SIPA1L1: variants seen among roughly 807,000 people sequenced by gnomAD.
SIPA1L1 encodes signal induced proliferation associated 1 like 1, also known as signal-induced proliferation-associated 1-like protein 1.
In SIPA1L1, 26 loss-of-function variants were observed where a neutral mutation model predicts 162.7. The observed-to-expected ratio is 0.16, with a 90% CI of 0.12 to 0.22. The LOEUF is 0.22. SIPA1L1 is among the 10% of genes least tolerant of loss of function. SIPA1L1 has a pLI of 1.00. For missense variants in SIPA1L1, 1,874 were observed against 2,241.0 expected (o/e 0.84, Z 3.31); for synonymous variants, 829 against 837.4 (o/e 0.99, Z 0.17).
At chr14:71,575,239 G>A (rs995230897) in intron 4 of SIPA1L1, among the ~76,000 whole-genome samples, 7 of 151,902 alleles carry the variant, frequency 4.6e-5, no homozygotes, top group Non-Finnish European at 7.4e-5. Flanking sequence ...AAGTTGCTGC[G>A]GAACTGACTG....
At chr14:71,629,087 G>A (rs946540254) in intron 7 of SIPA1L1, among the ~76,000 whole-genome samples, 4 of 151,986 alleles carry the variant, frequency 2.6e-5, no homozygotes, top group Admixed American at 6.6e-5. Flanking sequence ...ACAGGCACCC[G>A]CCACCACGCC....
At chr14:71,342,981 G>T (rs926820809) in intron 2 of SIPA1L1, among the ~76,000 whole-genome samples, 9 of 152,150 alleles carry the variant, frequency 5.9e-5, no homozygotes, top group East Asian at 3.9e-4. Context: ...CTTCTAAATG[G>T]CAGAGAGCTC....
intron 3 of SIPA1L1, among the ~76,000 whole-genome samples, chr14:71,520,250 G>C (rs1325863958): frequency 2.0e-5 from 3 of 152,164 alleles, no homozygotes; most frequent in African/African-American, 7.2e-5. Context: ...TACAGTGGTG[G>C]AAGCCTGGCA....
At chr14:71,356,911 G>C (rs2037330994) in intron 2 of SIPA1L1, among the ~76,000 whole-genome samples, 1 of 151,430 alleles carries the variant, frequency 6.6e-6, no homozygotes. Context: ...TTGTGAATTT[G>C]TTTTTCTGAT....
chr14:71,734,538 T>TTGC (rs1193167364), intron 21 of SIPA1L1, among the ~76,000 whole-genome samples: 1 of 152,228 alleles, frequency 6.6e-6, no homozygotes, highest in Non-Finnish European at 1.5e-5. Context: ...GTTGTTGTTG[T>TTGC]TGCTCTTAAT....
At chr14:71,693,934 T>C (rs2081432713) in intron 13 of SIPA1L1, among the ~76,000 whole-genome samples, 1 of 152,184 alleles carries the variant, frequency 6.6e-6, no homozygotes, top group African/African-American at 2.4e-5. Context: ...AGCTCACTGT[T>C]TGCACTTGGG....
chr14:71,548,885 C>CAAAAAAAA (rs774158181), intron 4 of SIPA1L1, among the ~76,000 whole-genome samples: 1 of 65,386 alleles, frequency 1.5e-5, no homozygotes. Context: ...AGACTGTCTC[C>CAAAAAAAA]AAAAAAAAAA....
At chr14:71,682,420 G>A (rs1367758005) in intron 12 of SIPA1L1, among the ~76,000 whole-genome samples, 3 of 152,176 alleles carry the variant, frequency 2.0e-5, no homozygotes, top group African/African-American at 4.8e-5. Flanking sequence ...GCAGAGTTAA[G>A]TAAGAGACCA....
rs563160212 is a variant in SIPA1L1 at position 71,349,854 on chromosome 14, C to T, written c.-465+28673C>T. Among the ~76,000 whole-genome samples, 12 of 152,256 alleles carry T rather than the reference C, an allele frequency of 7.9e-5. No homozygotes were observed. The South Asian group carries it at 8.3e-4, about 11-fold the overall frequency. ...ATGGCCCAAGAGTGGGGGAAGCAGACGCATTAGTAAGTAATCCCCAAATAT... is the reference window on the plus strand; with the variant it reads ...ATGGCCCAAGAGTGGGGGAAGCAGATGCATTAGTAAGTAATCCCCAAATAT... On this transcript the variant is annotated intron_variant, in intron 2 of 23. Transcript: ENST00000381232.
chr14:71,491,761 A>ACACACACACAC (rs2049277691), intron 2 of SIPA1L1, among the ~76,000 whole-genome samples: 4 of 97,878 alleles, frequency 4.1e-5, no homozygotes, highest in Non-Finnish European at 7.9e-5. Context: ...TTTTATTTCA[A>ACACACACACAC]ACACACACAC....
intron 4 of SIPA1L1, among the ~76,000 whole-genome samples, chr14:71,580,973 C>G (rs1452918051): frequency 6.6e-6 from 1 of 152,118 alleles, no homozygotes; most frequent in Non-Finnish European, 1.5e-5. Flanking sequence ...AATCTGTCTG[C>G]CTGCCTGCCT....
At position 71,739,056 on chromosome 14, in the gene SIPA1L1, G is replaced by A. The variant is rs1413037217; in HGVS notation, c.5247G>A (p.Gln1749=). The A allele has an allele frequency of 6.2e-7, 1 of 1,614,104 alleles. No individual in the cohort carries two copies. The highest frequency in any genetic ancestry group is 1.7e-5 in the Admixed American group (1 of 60,020). ...AAGCTCACCTTCAGGCGGAGGTGCA[G>A]CACCTGCGAGAGGACAACCTGAGGC... ...EDKAHLQAEV[Q]HLREDNLRLQ... is the part of the protein sequence containing the mutation. Residue 1749 remains glutamine, a synonymous_variant, in exon 24 of 24, where the codon CAG becomes CAA. Coordinates refer to ENST00000381232, the MANE Select transcript of SIPA1L1 (RefSeq NM_001386936.1).
intron 4 of SIPA1L1, among the ~76,000 whole-genome samples, chr14:71,578,647 T>G (rs1364699998): frequency 3.3e-5 from 5 of 152,216 alleles, no homozygotes; most frequent in African/African-American, 1.2e-4. Flanking sequence ...AAAATGTTAT[T>G]AAGAAAATCA....
chr14:71,419,236 T>G lies in SIPA1L1; in HGVS notation c.-464-93507T>G, dbSNP rs1042505904. On this transcript the variant is annotated intron_variant, in intron 2 of 23. Transcript: ENST00000381232. ...TAACGGACTTTGTTTTCTTTCAGGG[T>G]TTTTTTTTTTTTTAAGTCTATAGCT... Among the ~76,000 whole-genome samples, 55 of 135,190 alleles carry G rather than the reference T, an allele frequency of 4.1e-4. 1 individual carries two copies. Among genetic ancestry groups the G allele is most frequent in the African/African-American group, 1.3e-3 (50 of 38,486 alleles). The allele number at this position is 135,190 out of a possible 152,430, so 88.7% of individuals were successfully genotyped here.
At chr14:71,545,358 C>T (rs1018138434) in intron 4 of SIPA1L1, among the ~76,000 whole-genome samples, 5 of 152,174 alleles carry the variant, frequency 3.3e-5, no homozygotes, top group Admixed American at 1.3e-4. Context: ...CTTCACTTAA[C>T]TTCTCAGCAG....
At chr14:71,639,284 T>C (rs1389596608) in intron 7 of SIPA1L1, among the ~76,000 whole-genome samples, 1 of 152,136 alleles carries the variant, frequency 6.6e-6, no homozygotes, top group Admixed American at 6.5e-5. Context: ...GTGGTGTGCA[T>C]TTGTAGCTCC....
At chr14:71,354,479 G>A (rs1035755978) in intron 2 of SIPA1L1, among the ~76,000 whole-genome samples, 6 of 151,688 alleles carry the variant, frequency 4.0e-5, no homozygotes, top group Non-Finnish European at 7.4e-5. Context: ...GTTTCACCAT[G>A]TTGGCCAGGC....
intron 4 of SIPA1L1, among the ~76,000 whole-genome samples, chr14:71,560,218 A>G (rs1203585192): frequency 2.0e-5 from 3 of 152,244 alleles, no homozygotes; most frequent in Non-Finnish European, 4.4e-5. Flanking sequence ...TCAGGAATGC[A>G]GTCATCTGCA....
intron 6 of SIPA1L1, among the ~76,000 whole-genome samples, chr14:71,622,849 T>A (rs2148574105): frequency 6.6e-6 from 1 of 152,286 alleles, no homozygotes; most frequent in East Asian, 1.9e-4. Flanking sequence ...TACCACTCAG[T>A]CAGCTTCAGG....
Sources: gnomAD v4.1 joint callset for allele counts (sites outside exome capture counted in the v4.1 genomes callset) on GRCh38, gnomAD v4.1.1 for gene constraint, MANE v1.5 for transcripts, NCBI Gene and HGNC (gene_info 2026-07-23, HGNC 2026-07-21) for gene names.